ERC2: variants seen among roughly 807,000 people sequenced by gnomAD.
ERC2 encodes ELKS/RAB6-interacting/CAST family member 2.
Under a neutral mutation model 114.8 loss-of-function variants are expected in ERC2, and 42 were observed. That is an observed-to-expected ratio of 0.37 (90% CI 0.29 to 0.47). The LOEUF (loss-of-function observed/expected upper bound fraction) is 0.47. Ranked by LOEUF, ERC2 falls within the 20% of genes least tolerant of loss-of-function variation. The probability of loss-of-function intolerance (pLI) is 0.99; values close to 1 mark genes in which losing one functional copy is unlikely to be tolerated. For missense variants in ERC2, 939 were observed against 1,150.7 expected (o/e 0.82, Z 2.66); for synonymous variants, 454 against 425.5 (o/e 1.07, Z -0.82).
intron 6 of ERC2, among the ~76,000 whole-genome samples, chr3:56,089,274 T>C (rs1232445725): frequency 2.6e-5 from 4 of 152,210 alleles, no homozygotes; most frequent in Non-Finnish European, 5.9e-5. Context: ...TAACATAATT[T>C]ATGTGAGGAG....
chr3:55,946,108 C>G (rs2067111989), intron 13 of ERC2, among the ~76,000 whole-genome samples: 1 of 151,640 alleles, frequency 6.6e-6, no homozygotes, highest in Admixed American at 6.6e-5. Context: ...AAAAAAAAGG[C>G]ATCCCATTCT....
chr3:55,973,088 T>C (rs1422970353), intron 12 of ERC2, among the ~76,000 whole-genome samples: 1 of 152,136 alleles, frequency 6.6e-6, no homozygotes, highest in Non-Finnish European at 1.5e-5. Flanking sequence ...CTGCCCATCC[T>C]GCGAGGAGGA....
intron 13 of ERC2, among the ~76,000 whole-genome samples, chr3:55,921,593 C>T (rs2065434478): frequency 6.6e-6 from 1 of 151,964 alleles, no homozygotes; most frequent in Non-Finnish European, 1.5e-5. Context: ...GCAATGGCTT[C>T]TAAGATCATT....
chr3:55,671,916 G>A (rs2061577415), intron 17 of ERC2, among the ~76,000 whole-genome samples: 1 of 152,190 alleles, frequency 6.6e-6, no homozygotes, highest in Non-Finnish European at 1.5e-5. Flanking sequence ...TGTCTCTCTG[G>A]AGTGTGACAG....
chr3:56,033,030 C>CAGAAAGAA (rs71099612), intron 7 of ERC2, among the ~76,000 whole-genome samples: 2,880 of 65,060 alleles, frequency 0.044, 180 homozygotes, highest in African/African-American at 0.065. Context: ...AAAAAAGAAA[C>CAGAAAGAA]AGAAAGAAAG....
intron 16 of ERC2, among the ~76,000 whole-genome samples, chr3:55,685,718 C>T (rs2062296198): frequency 6.6e-6 from 1 of 152,112 alleles, no homozygotes; most frequent in Non-Finnish European, 1.5e-5. Flanking sequence ...CCCAGAATCG[C>T]TGCTGTAGAA....
intron 2 of ERC2, among the ~76,000 whole-genome samples, chr3:56,408,461 C>T (rs979597971): frequency 6.6e-6 from 1 of 151,880 alleles, no homozygotes; most frequent in African/African-American, 2.4e-5. Flanking sequence ...CCTGGGGACT[C>T]CCTCCCCCAA....
chr3:56,222,696 A>G (rs2049994811), intron 3 of ERC2, among the ~76,000 whole-genome samples: 1 of 152,194 alleles, frequency 6.6e-6, no homozygotes, highest in South Asian at 2.1e-4. Flanking sequence ...CACCTCCCCC[A>G]TAGTAAATGC....
rs34883402 is a variant in ERC2, at chr3:56,420,177, C to CTTTTT, written c.657+14169_657+14173dup. 2.8e-4 allele frequency among the ~76,000 whole-genome samples: 20 copies of CTTTTT among 72,304 alleles called. 2 individuals carry two copies. Among genetic ancestry groups the CTTTTT allele is most frequent in the Admixed American group, 1.3e-3 (6 of 4,462 alleles). The allele number at this position is 72,304 out of a possible 152,430, so 47.4% of individuals were successfully genotyped here. Reference sequence around the variant, plus strand: ...CGTTTTTAGAACTTAAGTGGTTATACTTTTTTTTTTTTTTTTTTTTTTTTG... The same window carrying CTTTTT: ...CGTTTTTAGAACTTAAGTGGTTATACTTTTTTTTTTTTTTTTTTTTTTTTTTTTTG... On this transcript the variant is annotated intron_variant, in intron 2 of 17. Transcript: ENST00000288221.
At chr3:56,466,013 C>G (rs2063527455) in intron 1 of ERC2, among the ~76,000 whole-genome samples, 1 of 152,252 alleles carries the variant, frequency 6.6e-6, no homozygotes, top group African/African-American at 2.4e-5. Context: ...TTCTTGCTTT[C>G]ATACTAAACT....
intron 8 of ERC2, among the ~76,000 whole-genome samples, chr3:56,013,658 T>A (rs1002711088): frequency 1.3e-5 from 2 of 152,198 alleles, no homozygotes; most frequent in Admixed American, 1.3e-4. Context: ...CATGTCGATA[T>A]TTTTATTTCT....
At chr3:55,885,155 G>A (rs892334160) in intron 14 of ERC2, among the ~76,000 whole-genome samples, 1 of 152,210 alleles carries the variant, frequency 6.6e-6, no homozygotes, top group Non-Finnish European at 1.5e-5. Flanking sequence ...CCTGTCTAAA[G>A]ATAATGGGTG....
At chr3:56,403,215 T>C (rs760420602) in intron 2 of ERC2, among the ~76,000 whole-genome samples, 1 of 152,232 alleles carries the variant, frequency 6.6e-6, no homozygotes, top group Non-Finnish European at 1.5e-5. Context: ...CTAGATGCCT[T>C]CTCAGTACCA....
chr3:56,454,609 G>A (rs534649626), intron 1 of ERC2, among the ~76,000 whole-genome samples: 1 of 152,116 alleles, frequency 6.6e-6, no homozygotes, highest in Non-Finnish European at 1.5e-5. Flanking sequence ...AAAGAAATGA[G>A]GAGGCCAAGG....
At chr3:56,395,349 G>T (rs886867334) in intron 2 of ERC2, among the ~76,000 whole-genome samples, 4 of 151,900 alleles carry the variant, frequency 2.6e-5, no homozygotes, top group African/African-American at 9.7e-5. Context: ...AAAGTGCCAG[G>T]GTCTTTAGGT....
At chr3:56,003,024 G>A (rs1329916268) in intron 10 of ERC2, 3 of 1,103,052 alleles carry the variant, frequency 2.7e-6, no homozygotes, top group Non-Finnish European at 3.7e-6. Context: ...TCCCCAGTAT[G>A]GCACACCGTG....
intron 6 of ERC2, among the ~76,000 whole-genome samples, chr3:56,122,253 T>C (rs1013944531): frequency 6.6e-6 from 1 of 152,130 alleles, no homozygotes; most frequent in African/African-American, 2.4e-5. Context: ...TTATTGTATT[T>C]CGTATCCCAT....
At chr3:55,833,722 T>G (rs973689213) in intron 14 of ERC2, among the ~76,000 whole-genome samples, 8 of 152,248 alleles carry the variant, frequency 5.3e-5, no homozygotes, top group African/African-American at 1.9e-4. Context: ...AATCACCAGC[T>G]AACATCATAA....
intron 17 of ERC2, among the ~76,000 whole-genome samples, chr3:55,632,139 G>T (rs2059780807): frequency 6.6e-6 from 1 of 152,200 alleles, no homozygotes; most frequent in East Asian, 1.9e-4. Context: ...TGAGCTGGAG[G>T]AACTGCCAAA....
Sources: gnomAD v4.1 joint callset for allele counts (sites outside exome capture counted in the v4.1 genomes callset) on GRCh38, gnomAD v4.1.1 for gene constraint, MANE v1.5 for transcripts, NCBI Gene and HGNC (gene_info 2026-07-23, HGNC 2026-07-21) for gene names.